Variants in ATP8A2 observed in about 807,000 individuals in gnomAD.
The protein encoded by ATP8A2 is phospholipid-transporting ATPase IB.
ATP8A2 carries 100 observed loss-of-function variants against 165.6 expected under a neutral mutation model. That is an observed-to-expected ratio of 0.60 (90% CI 0.51 to 0.71). The LOEUF is 0.71. ATP8A2 is among the 30% of genes least tolerant of loss of function. The pLI is 0.00. For synonymous variants in ATP8A2, 543 were observed against 548.8 expected, an observed-to-expected ratio of 0.99 and a Z score of 0.15; for missense variants, 1,227 against 1,479.5, an observed-to-expected ratio of 0.83 and a Z score of 2.80.
In ATP8A2 at chr13:25,401,391, C is replaced by G. The variant is rs530581144; in HGVS notation, c.76+29103C>G. 6.6e-5 allele frequency among the ~76,000 whole-genome samples: 10 copies of G among 152,202 alleles called. No individual in the cohort carries two copies. The South Asian group carries it at 1.7e-3, about 25-fold the overall frequency. On this transcript the variant is annotated intron_variant, in intron 1 of 36. Transcript: ENST00000381655. The stretch of plus-strand genomic sequence containing the variant: ...TACTGTAACAAATGCTGATATCAAT[C>G]GAGTTATAAATTGAATCTGAAGAAA...
intron 2 of ATP8A2, among the ~76,000 whole-genome samples, chr13:25,495,605 A>T (rs528097250): frequency 2.8e-5 from 4 of 145,150 alleles, no homozygotes; most frequent in African/African-American, 1.0e-4. Context: ...GACCACAGGC[A>T]TGCACCATGC....
chr13:26,015,191 A>G (rs1190569341), intron 36 of ATP8A2, among the ~76,000 whole-genome samples: 7 of 152,180 alleles, frequency 4.6e-5, no homozygotes, highest in African/African-American at 7.2e-5. Flanking sequence ...ATCACACCAC[A>G]TTTTTTAAAC....
At chr13:25,977,303 TAGG>T (rs1375338051) in intron 35 of ATP8A2, among the ~76,000 whole-genome samples, 3 of 152,068 alleles carry the variant, frequency 2.0e-5, no homozygotes, top group African/African-American at 7.2e-5. Context: ...GGAGAGTTCT[TAGG>T]AGAACAGCTG....
rs138717318 is a variant in ATP8A2, at chr13:25,621,684, G to A, written c.2211+31985G>A. ...TCATAAGACAGTGGATTCCCATCCA[G>A]TGCTTGTAGCTCTGTTATCCTCTTT... On this transcript the variant is annotated intron_variant, in intron 24 of 36. Transcript: ENST00000381655. Among the ~76,000 whole-genome samples the A allele has an allele frequency of 3.7e-3, 561 of 152,278 alleles. 4 individuals are homozygous for A. Among genetic ancestry groups the A allele is most frequent in the Middle Eastern group, 0.02 (6 of 294 alleles).
intron 30 of ATP8A2, among the ~76,000 whole-genome samples, chr13:25,840,264 T>A (rs969212699): frequency 1.3e-5 from 2 of 152,146 alleles, no homozygotes; most frequent in East Asian, 3.9e-4. Flanking sequence ...AAATGTATCA[T>A]GAGAATGCTA....
Position 26,020,197 on chromosome 13 carries a change from C to G in ATP8A2, c.*212C>G. ...AGCTATCTTTGCCCTCCCAACTCGT[C>G]TGCAGTGCTTAGCCTAACTTTTGTT... is the stretch of plus-strand genomic sequence containing the variant. On this transcript the variant is annotated 3_prime_UTR_variant, in exon 37 of 37. Transcript: ENST00000381655. 2 of 581,314 alleles carry G rather than the reference C, an allele frequency of 3.4e-6. No homozygotes were observed. The highest frequency in any genetic ancestry group is 3.1e-5 in the Admixed American group (1 of 32,520). The allele number at this position is 581,314 out of a possible 1,614,324, so 36.0% of individuals were successfully genotyped here.
chr13:25,558,050 C>A (rs892661718), intron 13 of ATP8A2, among the ~76,000 whole-genome samples: 5 of 152,054 alleles, frequency 3.3e-5, no homozygotes, highest in Non-Finnish European at 7.4e-5. Context: ...ATTGCAGGCA[C>A]CTGCCACCAT....
In ATP8A2 at chr13:25,804,941, T is replaced by TA. The variant is rs1428372449; in HGVS notation, c.2680-23177_2680-23176insA. ...ACTGCCAGCAGATTTTTAGCATTGTTTAATAGTTTTAAATTATGGAGGTCT... is the reference window on the plus strand; with the variant it reads ...ACTGCCAGCAGATTTTTAGCATTGTTATAATAGTTTTAAATTATGGAGGTCT... On this transcript the variant is annotated intron_variant, in intron 27 of 36. Coordinates refer to ENST00000381655, the MANE Select transcript of ATP8A2 (RefSeq NM_016529.6). 2.6e-5 allele frequency among the ~76,000 whole-genome samples: 4 copies of TA among 152,280 alleles called. No homozygotes were observed. In the East Asian group the frequency reaches 7.7e-4, roughly 29 times the overall value.
intron 33 of ATP8A2, among the ~76,000 whole-genome samples, chr13:25,949,329 G>A (rs953953840): frequency 1.3e-5 from 2 of 152,232 alleles, no homozygotes; most frequent in Non-Finnish European, 2.9e-5. Context: ...GTGACAAGGT[G>A]AGGTGGCCGT....
rs1225789067 is a variant in ATP8A2 at position 26,024,782 on chromosome 13, T to C, written c.*4797T>C. On this transcript the variant is annotated 3_prime_UTR_variant, in exon 37 of 37. Coordinates refer to ENST00000381655, the MANE Select transcript of ATP8A2 (RefSeq NM_016529.6). ...TCAAGATTAGCCCATAGGCAGTTCTTGTGACCTGGCTGAAGAAAGAAAGGA... is the reference window on the plus strand; with the variant it reads ...TCAAGATTAGCCCATAGGCAGTTCTCGTGACCTGGCTGAAGAAAGAAAGGA... 6.6e-6 allele frequency: 1 copy of C among 152,168 alleles called. No homozygotes were observed. The highest frequency in any genetic ancestry group is 2.4e-5 in the African/African-American group (1 of 41,424). 9.4% of individuals were successfully genotyped at this position (152,168 alleles called of 1,614,324 possible).
At chr13:25,568,821 A>T (rs1265688178) in intron 16 of ATP8A2, among the ~76,000 whole-genome samples, 2 of 152,196 alleles carry the variant, frequency 1.3e-5, no homozygotes, top group Non-Finnish European at 2.9e-5. Context: ...ACACACATAC[A>T]TATATACACA....
intron 24 of ATP8A2, among the ~76,000 whole-genome samples, chr13:25,621,634 A>G (rs1205551990): frequency 1.3e-5 from 2 of 152,196 alleles, no homozygotes; most frequent in African/African-American, 4.8e-5. Flanking sequence ...TTCCATCACC[A>G]AGAAAACTGG....
intron 24 of ATP8A2, among the ~76,000 whole-genome samples, chr13:25,597,154 G>T (rs2040256784): frequency 6.6e-6 from 1 of 151,992 alleles, no homozygotes; most frequent in African/African-American, 2.4e-5. Context: ...TATATAATTT[G>T]GATATAAACC....
chr13:25,695,030 T>C lies in ATP8A2; in HGVS notation c.2212-4143T>C, dbSNP rs117116893. Among the ~76,000 whole-genome samples the C allele has an allele frequency of 5.9e-5, 9 of 152,322 alleles. No individual in the cohort carries two copies. In the East Asian group the frequency reaches 1.7e-3, roughly 29 times the overall value. On this transcript the variant is annotated intron_variant, in intron 24 of 36. Transcript: ENST00000381655. ...AACTTTTATGCATAGAACATTATTC[T>C]ATTAATGTTTCGTCTATTGCAGGCA...
chr13:25,470,240 A>T (rs1445908058), intron 2 of ATP8A2, among the ~76,000 whole-genome samples: 1 of 152,198 alleles, frequency 6.6e-6, no homozygotes, highest in East Asian at 1.9e-4. Flanking sequence ...AAGGAGTGTT[A>T]GATTATGCAG....
intron 28 of ATP8A2, among the ~76,000 whole-genome samples, chr13:25,831,216 C>CTTTTTTTTT (rs71759758): frequency 7.5e-6 from 1 of 133,492 alleles, no homozygotes; most frequent in Non-Finnish European, 1.6e-5. Context: ...AACTAATTTT[C>CTTTTTTTTT]TTTTTTTTTT....
At chr13:25,410,042 C>A (rs1484076024) in intron 1 of ATP8A2, among the ~76,000 whole-genome samples, 2 of 149,900 alleles carry the variant, frequency 1.3e-5, no homozygotes, top group Non-Finnish European at 1.5e-5. Context: ...CTAATGGGTT[C>A]AGCCATTAGG....
intron 25 of ATP8A2, among the ~76,000 whole-genome samples, chr13:25,719,446 G>C (rs1162584969): frequency 1.3e-5 from 2 of 151,648 alleles, no homozygotes; most frequent in Non-Finnish European, 2.9e-5. Context: ...TGGATGGGTG[G>C]ATGGGTGGAT....
intron 26 of ATP8A2, among the ~76,000 whole-genome samples, chr13:25,772,724 T>TTTAATTAATTAA (rs527292899): frequency 6.7e-6 from 1 of 148,886 alleles, no homozygotes. Flanking sequence ...GAGAGTTACA[T>TTTAATTAATTAA]TTAATTAATT....
Sources: gnomAD v4.1 joint callset for allele counts (sites outside exome capture counted in the v4.1 genomes callset) on GRCh38, gnomAD v4.1.1 for gene constraint, MANE v1.5 for transcripts, NCBI Gene and HGNC (gene_info 2026-07-23, HGNC 2026-07-21) for gene names.